MARF1: variants seen among roughly 807,000 people sequenced by gnomAD.
MARF1 encodes the protein meiosis regulator and mRNA stability factor 1.
MARF1 carries 24 observed loss-of-function variants against 168.2 expected under a neutral mutation model. The ratio of observed to expected loss-of-function variants is 0.14; its 90% CI spans 0.10 to 0.20. The LOEUF is 0.20. MARF1 is among the 10% of genes least tolerant of loss of function. MARF1 has a pLI of 1.00. For synonymous variants in MARF1, 868 were observed against 822.4 expected (o/e 1.06, Z -0.95); for missense variants, 1,744 against 2,143.6 (o/e 0.81, Z 3.68).
chr16:15,621,835 G>A lies in MARF1; in HGVS notation c.2537C>T (p.Ala846Val). 1 of 1,614,032 alleles carries A rather than the reference G, an allele frequency of 6.2e-7. No homozygotes were observed. Among genetic ancestry groups the A allele is most frequent in the Non-Finnish European group, 8.5e-7 (1 of 1,179,976 alleles). ...GTGGAGGCTATTCACTGCACCGATC[G>A]CATCTTGTAAGTTTTCCATTTGCAC... is the stretch of plus-strand genomic sequence containing the variant. ...AVVQMENLQD[A>V]IGAVNSLHRY... The change falls in exon 12 of 27, where the codon GCG (alanine) becomes GTG (valine). Residue 846 changes from alanine (A) to valine (V), a missense_variant. Ala to Val is a moderately conservative substitution (Grantham distance 64). Coordinates refer to ENST00000396368, the MANE Select transcript of MARF1 (RefSeq NM_014647.4).
intron 22 of MARF1, among the ~76,000 whole-genome samples, chr16:15,603,206 T>C (rs918736222): frequency 5.3e-5 from 8 of 152,258 alleles, no homozygotes; most frequent in African/African-American, 1.4e-4. Flanking sequence ...TTCTTTTAAA[T>C]TGCTGGAGCT....
At chr16:15,604,558 G>A (rs892650736) in intron 21 of MARF1, among the ~76,000 whole-genome samples, 160 bp from the exon 22 acceptor site, 54 of 152,158 alleles carry the variant, frequency 3.5e-4, no homozygotes, top group African/African-American at 1.2e-3. Flanking sequence ...TGTTTTTAGC[G>A]TCTTTGGGAC....
chr16:15,621,626 A>G lies in MARF1; in HGVS notation c.2639+107T>C, dbSNP rs886183547. The G allele has an allele frequency of 2.2e-5, 23 of 1,055,682 alleles. 1 individual carries two copies. Among genetic ancestry groups the G allele is most frequent in the South Asian group, 1.8e-4 (11 of 62,676 alleles). The allele number at this position is 1,055,682 out of a possible 1,614,324, so 65.4% of individuals were successfully genotyped here. ...TAGAATAAGCATTATTCCACATGCA[A>G]TCATCACAAGGGGGTGGGAATGTGA... On this transcript the variant is annotated intron_variant, in intron 12 of 26. Transcript: ENST00000396368.
intron 6 of MARF1, among the ~76,000 whole-genome samples, chr16:15,630,859 G>C (rs1011097758): frequency 3.3e-5 from 5 of 151,596 alleles, no homozygotes; most frequent in Non-Finnish European, 7.4e-5. Context: ...GGCCGGGCGT[G>C]GTGGTTCACG....
rs1175046336 is a variant in MARF1, at chr16:15,617,281, G to C, written c.2957+18C>G. The C allele has an allele frequency of 6.2e-7, 1 of 1,611,898 alleles. No individual in the cohort carries two copies. The highest frequency in any genetic ancestry group is 8.5e-7 in the Non-Finnish European group (1 of 1,178,140). On this transcript the variant is annotated intron_variant, in intron 14 of 26. Transcript: ENST00000396368. ...CTTATAGAAAAGAATTACTTCTAAA[G>C]GAAAACGAACGGCACACCTGAAATC...
chr16:15,626,306 T>C (rs1022562362), intron 7 of MARF1, among the ~76,000 whole-genome samples: 2 of 152,186 alleles, frequency 1.3e-5, no homozygotes, highest in Admixed American at 6.5e-5. Context: ...ACAAAAATAT[T>C]CTAAAATTGT....
intron 20 of MARF1, 84 bp downstream of exon 20, chr16:15,609,439 G>A (rs1715456947): frequency 1.7e-6 from 2 of 1,173,962 alleles, no homozygotes; most frequent in Non-Finnish European, 1.2e-6. Context: ...CTACTTCCCA[G>A]AAAAACAGGT....
chr16:15,596,639 G>T lies in MARF1; in HGVS notation c.*54C>A. On this transcript the variant is annotated 3_prime_UTR_variant, in exon 27 of 27. Transcript: ENST00000396368. ...GGATGTATTTTTGAAACCCACTTTT[G>T]TGTGCAGAATCAGACAGTGTTTTCC... 2 of 1,479,732 alleles carry T rather than the reference G, an allele frequency of 1.4e-6. No individual in the cohort carries two copies. The highest frequency in any genetic ancestry group is 1.5e-5 in the South Asian group (1 of 68,164). 91.7% of individuals were successfully genotyped at this position (1,479,732 alleles called of 1,614,324 possible). A position where few individuals can be genotyped will look rare whatever the true frequency, so the allele number is the denominator to read the frequency against.
At chr16:15,604,135 A>G in intron 22 of MARF1, 33 bp downstream of exon 22, 3 of 1,478,932 alleles carry the variant, frequency 2.0e-6, no homozygotes, top group Non-Finnish European at 2.8e-6. Flanking sequence ...ATAGTTTTCA[A>G]TGATAGTTCT....
chr16:15,623,214 G>A, intron 10 of MARF1, 91 bp from the exon 11 acceptor site: 1 of 879,902 alleles, frequency 1.1e-6, no homozygotes, highest in Non-Finnish European at 1.5e-6. Context: ...ACTATATACA[G>A]AAGCAGATTT....
At chr16:15,634,603 T>A (rs1247011354) in intron 4 of MARF1, among the ~76,000 whole-genome samples, 154 bp downstream of exon 4, 1 of 152,158 alleles carries the variant, frequency 6.6e-6, no homozygotes, top group Non-Finnish European at 1.5e-5. Context: ...TCCATAATAA[T>A]AAAAAGATTT....
At chr16:15,623,794 CTG>C (rs756829260) in intron 10 of MARF1, among the ~76,000 whole-genome samples, 1 of 152,148 alleles carries the variant, frequency 6.6e-6, no homozygotes, top group Non-Finnish European at 1.5e-5. Flanking sequence ...CTAACCTCCT[CTG>C]TGTCTCTGAA....
chr16:15,630,175 A>G (rs1394523614), intron 7 of MARF1, 157 bp downstream of exon 7: 2 of 511,400 alleles, frequency 3.9e-6, no homozygotes, highest in East Asian at 6.3e-5. Flanking sequence ...TATATTTGTG[A>G]GAAGAACCGA....
At chr16:15,626,080 G>A (rs968388094) in intron 7 of MARF1, among the ~76,000 whole-genome samples, 1 of 152,134 alleles carries the variant, frequency 6.6e-6, no homozygotes, top group East Asian at 1.9e-4. Context: ...TGGAGTGACT[G>A]TGCCACTGCA....
intron 26 of MARF1, 63 bp from the exon 27 acceptor site, chr16:15,597,000 T>G: frequency 2.0e-6 from 3 of 1,496,520 alleles, no homozygotes; most frequent in Non-Finnish European, 1.8e-6. Context: ...GGGTTTTCTC[T>G]TCCTTGCTCA....
intron 21 of MARF1, among the ~76,000 whole-genome samples, chr16:15,605,338 CAGAG>C: frequency 6.6e-6 from 1 of 152,258 alleles, no homozygotes; most frequent in South Asian, 2.1e-4. Flanking sequence ...TTCTGAGAGG[CAGAG>C]AGAGGTGGGT....
chr16:15,627,517 C>G (rs891245976), intron 7 of MARF1, among the ~76,000 whole-genome samples: 1 of 152,148 alleles, frequency 6.6e-6, no homozygotes, highest in African/African-American at 2.4e-5. Flanking sequence ...ACTCGGGAGG[C>G]TGAGGAAGGA....
rs77779162 is a variant in MARF1, at chr16:15,625,870, A to C, written c.1525-70T>G. The C allele has an allele frequency of 2.4e-6, 3 of 1,272,532 alleles. No individual in the cohort carries two copies. The African/African-American group carries it at 4.4e-5, about 19-fold the overall frequency. 78.8% of individuals were successfully genotyped at this position (1,272,532 alleles called of 1,614,324 possible). A position where few individuals can be genotyped will look rare whatever the true frequency, so the allele number is the denominator to read the frequency against. On this transcript the variant is annotated intron_variant, in intron 7 of 26. Transcript: ENST00000396368. ...ACACATTCAATTTCAAAATAAGAAC[A>C]ATGGGTGACCTCCAAACTTCAGTTA...
In MARF1 at chr16:15,601,825, G is replaced by A. The variant is rs2032465306; in HGVS notation, c.4626+166C>T. On this transcript the variant is annotated intron_variant, in intron 23 of 26. Transcript: ENST00000396368. The stretch of plus-strand genomic sequence containing the variant: ...ATAAAGGTTTACAGAAAGAATCAAG[G>A]AGAAATGCTAAAATCATTTACTTTA... The A allele has an allele frequency of 1.4e-5, 9 of 657,630 alleles. No homozygotes were observed. The South Asian group carries it at 1.6e-4, about 12-fold the overall frequency. The allele number at this position is 657,630 out of a possible 1,614,324, so 40.7% of individuals were successfully genotyped here. A position where few individuals can be genotyped will look rare whatever the true frequency, so the allele number is the denominator to read the frequency against.
Sources: allele counts gnomAD v4.1 joint callset (sites outside exome capture counted in the v4.1 genomes callset), GRCh38; gene constraint gnomAD v4.1.1; transcripts MANE v1.5; gene names NCBI Gene and HGNC (gene_info 2026-07-23, HGNC 2026-07-21).